Variants in PRKG1 observed in about 807,000 individuals in gnomAD.
PRKG1 encodes the protein protein kinase cGMP-dependent 1.
In PRKG1, 35 loss-of-function variants were observed where a neutral mutation model predicts 88.1. The observed-to-expected ratio is 0.40, with a 90% confidence interval of 0.30 to 0.53. The LOEUF is 0.53. PRKG1 is among the 20% of genes least tolerant of loss of function. PRKG1 has a pLI of 0.59. For synonymous variants in PRKG1, 303 were observed against 292.5 expected, an observed-to-expected ratio of 1.04 and a Z score of -0.37; for missense variants, 540 against 839.8, an observed-to-expected ratio of 0.64 and a Z score of 4.41.
chr10:51,704,399 C>A (rs2132420823), intron 3 of PRKG1, among the ~76,000 whole-genome samples: 1 of 152,242 alleles, frequency 6.6e-6, no homozygotes, highest in East Asian at 1.9e-4. Flanking sequence ...ACAAATATTT[C>A]ATTTTACCAA....
chr10:51,652,710 T>TA (rs565498574), intron 3 of PRKG1, among the ~76,000 whole-genome samples: 1 of 152,346 alleles, frequency 6.6e-6, no homozygotes, highest in Admixed American at 6.5e-5. Flanking sequence ...GTAATTAACA[T>TA]ATCTATCATA....
intron 5 of PRKG1, chr10:51,907,823 T>C (rs997756329): frequency 2.6e-6 from 1 of 391,722 alleles, no homozygotes; most frequent in African/African-American, 2.1e-5. Flanking sequence ...CATGTTACTT[T>C]GACTTACTAG....
intron 1 of PRKG1, among the ~76,000 whole-genome samples, chr10:51,145,417 T>G (rs1412872828): frequency 6.6e-6 from 1 of 152,160 alleles, no homozygotes; most frequent in Non-Finnish European, 1.5e-5. Flanking sequence ...AGTTAGTTCT[T>G]AATAGATCAG....
chr10:51,236,486 C>A lies in PRKG1; in HGVS notation c.478+83156C>A, dbSNP rs114182204. Reference sequence around the variant, plus strand: ...GCATTTGGGCAATAGTATAGATGTTCATCTATCCAATAAACCAGGTTCTTT... The same window carrying A: ...GCATTTGGGCAATAGTATAGATGTTAATCTATCCAATAAACCAGGTTCTTT... On this transcript the variant is annotated intron_variant, in intron 2 of 17. Coordinates refer to ENST00000373980, the MANE Select transcript of PRKG1 (RefSeq NM_006258.4). Among the ~76,000 whole-genome samples, 523 of 150,782 alleles carry A rather than the reference C, an allele frequency of 3.5e-3. 6 individuals carry two copies. The highest frequency in any genetic ancestry group is 0.012 in the African/African-American group (503 of 41,018).
intron 3 of PRKG1, among the ~76,000 whole-genome samples, chr10:51,470,684 T>C (rs1840026909): frequency 6.6e-6 from 1 of 151,906 alleles, no homozygotes; most frequent in Admixed American, 6.6e-5. Flanking sequence ...AGTGACTTCA[T>C]CAGCTAATGA....
chr10:51,838,417 A>T (rs1840183780), intron 4 of PRKG1, among the ~76,000 whole-genome samples: 1 of 152,218 alleles, frequency 6.6e-6, no homozygotes, highest in East Asian at 1.9e-4. Context: ...AAAAGGGCAG[A>T]AAATCTAAAC....
chr10:51,628,526 G>T (rs1198427905), intron 3 of PRKG1, among the ~76,000 whole-genome samples: 1 of 152,088 alleles, frequency 6.6e-6, no homozygotes, highest in East Asian at 1.9e-4. Flanking sequence ...TGATAAAATA[G>T]CTCTGGTATA....
intron 7 of PRKG1, among the ~76,000 whole-genome samples, chr10:52,093,570 C>T (rs975502382): frequency 2.0e-5 from 3 of 152,078 alleles, no homozygotes; most frequent in Non-Finnish European, 2.9e-5. Flanking sequence ...TTTAAAATTG[C>T]CTCTAATAAT....
chr10:52,128,302 T>G, intron 7 of PRKG1: 1 of 985,400 alleles, frequency 1.0e-6, no homozygotes, highest in African/African-American at 1.7e-5. Context: ...GAGCCCCTAC[T>G]CTGACAGCTA....
chr10:51,368,796 C>A (rs1842641171), intron 2 of PRKG1, among the ~76,000 whole-genome samples: 1 of 152,154 alleles, frequency 6.6e-6, no homozygotes. Flanking sequence ...AAATTGTGGA[C>A]TAAACTGGCT....
intron 2 of PRKG1, among the ~76,000 whole-genome samples, chr10:51,397,462 A>G (rs1345188743): frequency 6.6e-6 from 1 of 152,134 alleles, no homozygotes; most frequent in African/African-American, 2.4e-5. Flanking sequence ...TCTCGAGGGC[A>G]CTTCATGAAA....
intron 5 of PRKG1, among the ~76,000 whole-genome samples, chr10:52,034,097 G>A (rs574570727): frequency 6.6e-6 from 1 of 152,018 alleles, no homozygotes; most frequent in South Asian, 2.1e-4. Flanking sequence ...TTAAGGTGGG[G>A]CAGGGCATAT....
At chr10:51,881,158 A>G (rs898377085) in intron 4 of PRKG1, among the ~76,000 whole-genome samples, 2 of 152,052 alleles carry the variant, frequency 1.3e-5, no homozygotes, top group Non-Finnish European at 2.9e-5. Context: ...GAGTGACTAG[A>G]GTAGTGCGCA....
At chr10:51,199,428 A>G (rs534137924) in intron 2 of PRKG1, among the ~76,000 whole-genome samples, 1 of 152,316 alleles carries the variant, frequency 6.6e-6, no homozygotes, top group Admixed American at 6.5e-5. Flanking sequence ...CCAGGTTTAT[A>G]TGTGAATTCA....
intron 2 of PRKG1, among the ~76,000 whole-genome samples, chr10:51,448,574 G>A (rs1839342082): frequency 6.6e-6 from 1 of 152,020 alleles, no homozygotes; most frequent in African/African-American, 2.4e-5. Context: ...CTACCAGCTT[G>A]TAATATTTTT....
At chr10:51,663,333 A>G (rs545702220) in intron 3 of PRKG1, among the ~76,000 whole-genome samples, 1 of 152,244 alleles carries the variant, frequency 6.6e-6, no homozygotes, top group East Asian at 1.9e-4. Context: ...TTCCTGTTCT[A>G]TACAGTTTCA....
intron 4 of PRKG1, among the ~76,000 whole-genome samples, chr10:51,855,099 T>C (rs1840647015): frequency 6.6e-6 from 1 of 152,214 alleles, no homozygotes; most frequent in African/African-American, 2.4e-5. Context: ...CATAATGTCG[T>C]AAAAGGTTAT....
intron 2 of PRKG1, among the ~76,000 whole-genome samples, chr10:51,212,220 A>G (rs1838241255): frequency 6.6e-6 from 1 of 151,872 alleles, no homozygotes; most frequent in Non-Finnish European, 1.5e-5. Context: ...TGGGGAAAGG[A>G]TTCCCTATTT....
intron 4 of PRKG1, among the ~76,000 whole-genome samples, chr10:51,902,970 A>G (rs1211658772): frequency 6.6e-6 from 1 of 152,206 alleles, no homozygotes; most frequent in African/African-American, 2.4e-5. Flanking sequence ...TGCTGCATGT[A>G]ATTATGTTAT....
Sources: allele counts gnomAD v4.1 joint callset (sites outside exome capture counted in the v4.1 genomes callset), GRCh38; gene constraint gnomAD v4.1.1; transcripts MANE v1.5; gene names NCBI Gene and HGNC (gene_info 2026-07-23, HGNC 2026-07-21).